The following ZSCAN9 variants were observed in gnomAD, a reference collection of about 807,000 sequenced individuals.
ZSCAN9 encodes zinc finger and SCAN domain-containing protein 9.
Under a neutral mutation model 23.0 loss-of-function variants are expected in ZSCAN9, and 19 were observed. The observed-to-expected ratio is 0.83, with a 90% CI of 0.58 to 1.21. The LOEUF is 1.21. Among genes scored for constraint, ZSCAN9 ranks in the 50% most tolerant of loss-of-function variants. The probability of loss-of-function intolerance (pLI) is 0.00; values close to 1 mark genes in which losing one functional copy is unlikely to be tolerated. For missense variants in ZSCAN9, 467 were observed against 471.5 expected (o/e 0.99, Z 0.09); for synonymous variants, 155 against 164.8 (o/e 0.94, Z 0.46).
rs563920376 is a variant in ZSCAN9, at chr6:28,226,786, C to A, written c.-73-226C>A. Reference sequence around the variant, plus strand: ...CCAGCCTGGGAAACAGAGTGAAATTCCCCATTTAAAAAAAAAAGAAAGAAA... The same window carrying A: ...CCAGCCTGGGAAACAGAGTGAAATTACCCATTTAAAAAAAAAAGAAAGAAA... On this transcript the variant is annotated intron_variant, in intron 1 of 3. Transcript: ENST00000252207. 4.1e-5 allele frequency: 8 copies of A among 193,550 alleles called. No homozygotes were observed. The South Asian group carries it at 9.1e-4, about 22-fold the overall frequency. 12.0% of individuals were successfully genotyped at this position (193,550 alleles called of 1,614,324 possible). A position where few individuals can be genotyped will look rare whatever the true frequency, so the allele number is the denominator to read the frequency against.
At chr6:28,231,069 A>G (rs1448302506) in intron 3 of ZSCAN9, among the ~76,000 whole-genome samples, 1 of 152,224 alleles carries the variant, frequency 6.6e-6, no homozygotes, top group Non-Finnish European at 1.5e-5. Context: ...GCCTGAAACC[A>G]AGGGTAATAC....
intron 2 of ZSCAN9, 42 bp from the exon 3 acceptor site, chr6:28,227,648 G>C (rs1403709201): frequency 2.6e-5 from 41 of 1,581,788 alleles, no homozygotes; most frequent in Admixed American, 1.1e-4. Flanking sequence ...ATTTCAGACA[G>C]TTAATTTCTT....
rs1760144427 is a variant in ZSCAN9, at chr6:28,227,306, G to A, written c.222G>A (p.Gln74=). 2.5e-6 allele frequency: 4 copies of A among 1,614,228 alleles called. No individual in the cohort carries two copies. In the East Asian group the frequency reaches 8.9e-5, roughly 36 times the overall value. ...PGPREALTRL[Q]ELCYQWLRPH... is the part of the protein sequence containing the mutation. ...CAAGGGAGGCTCTTACTCGACTCCAGGAACTTTGCTACCAGTGGTTGAGGC... is the reference window on the plus strand; with the variant it reads ...CAAGGGAGGCTCTTACTCGACTCCAAGAACTTTGCTACCAGTGGTTGAGGC... The change falls in exon 2 of 4, where the codon CAG becomes CAA. Residue 74 remains glutamine (Q), a synonymous_variant. Coordinates refer to ENST00000252207, the MANE Select transcript of ZSCAN9 (RefSeq NM_006299.5).
intron 1 of ZSCAN9, among the ~76,000 whole-genome samples, chr6:28,225,698 T>C (rs1760097410): frequency 6.6e-6 from 1 of 152,240 alleles, no homozygotes; most frequent in Non-Finnish European, 1.5e-5. Flanking sequence ...AGAACCTGTA[T>C]ACCCTCTTAC....
chr6:28,232,477 CTATGA>C, intron 3 of ZSCAN9, 80 bp from the exon 4 acceptor site: 2 of 1,518,984 alleles, frequency 1.3e-6, no homozygotes, highest in African/African-American at 1.4e-5. Context: ...ACTTCCTTTT[CTATGA>C]TATATTTTTA....
chr6:28,230,818 G>A (rs2113654555), intron 3 of ZSCAN9, among the ~76,000 whole-genome samples: 1 of 152,280 alleles, frequency 6.6e-6, no homozygotes, highest in African/African-American at 2.4e-5. Context: ...CAAACAGATT[G>A]TGATATTAAA....
chr6:28,226,387 G>T (rs932319795), intron 1 of ZSCAN9, among the ~76,000 whole-genome samples: 2 of 152,158 alleles, frequency 1.3e-5, no homozygotes, highest in Non-Finnish European at 2.9e-5. Context: ...ATGTTGGTTC[G>T]TTCATTTAGT....
chr6:28,227,612 T>G, intron 2 of ZSCAN9, 78 bp from the exon 3 acceptor site: 1 of 1,576,218 alleles, frequency 6.3e-7, no homozygotes. Context: ...ACTCTCTTCC[T>G]GTTTCCTTCT....
chr6:28,228,324 G>T (rs1303486215), intron 3 of ZSCAN9: 8 of 428,776 alleles, frequency 1.9e-5, no homozygotes, highest in African/African-American at 1.7e-4. Context: ...ATTTTCAAAG[G>T]CTAGTAGTCC....
In ZSCAN9 at chr6:28,232,809, T is replaced by G; in HGVS notation, c.816T>G (p.His272Gln). The G allele has an allele frequency of 1.2e-6, 2 of 1,614,184 alleles. No homozygotes were observed. Among genetic ancestry groups the G allele is most frequent in the Non-Finnish European group, 1.7e-6 (2 of 1,180,042 alleles). Residue 272 changes from histidine to glutamine, a missense_variant, in exon 4 of 4, where the codon CAT becomes CAG. Physicochemically the swap from His to Gln is conservative, Grantham distance 24 (BLOSUM62 0). Transcript: ENST00000252207. ...SFTQSSGLIR[H>Q]QRIHTGERPY... is the part of the protein sequence containing the mutation. ...CTCAGAGCTCAGGTCTCATTCGACA[T>G]CAAAGAATTCATACTGGAGAAAGAC...
Position 28,227,366 on chromosome 6 carries a change from G to A in ZSCAN9, c.282G>A (p.Leu94=). 1 of 1,614,218 alleles carries A rather than the reference G, an allele frequency of 6.2e-7. No homozygotes were observed. Among genetic ancestry groups the A allele is most frequent in the East Asian group, 2.2e-5 (1 of 44,888 alleles). ...GCACAAAGGAGCAGATTTTGGATCT[G>A]CTGGTGCTGGAGCAGTTTCTATCCA... ...HVSTKEQILD[L]LVLEQFLSIL... The change falls in exon 2 of 4, where the codon CTG becomes CTA. Residue 94 remains leucine (L), a synonymous_variant. Transcript: ENST00000252207.
chr6:28,227,118 G>A lies in ZSCAN9; in HGVS notation c.34G>A (p.Gly12Ser). The A allele has an allele frequency of 6.2e-7, 1 of 1,614,142 alleles. No individual in the cohort carries two copies. The change falls in exon 2 of 4, where the codon GGT becomes AGT. Residue 12 changes from glycine (G) to serine (S), a missense_variant. Transcript: ENST00000252207. ...AAACTCAAAGGAGGTTTTATCCCTG[G>A]GTGTTCAAGTTCCCGAGGCATGGGA... ...NTNSKEVLSLGVQVPEAWEEL... is the reference protein window; with the variant it reads ...NTNSKEVLSLSVQVPEAWEEL...
chr6:28,226,491 C>T (rs1224279883), intron 1 of ZSCAN9, among the ~76,000 whole-genome samples: 1 of 152,196 alleles, frequency 6.6e-6, no homozygotes, highest in Non-Finnish European at 1.5e-5. Context: ...GTGATCGGTG[C>T]AGTCCCTAAT....
chr6:28,225,801 T>C (rs1374386737), intron 1 of ZSCAN9, among the ~76,000 whole-genome samples: 1 of 152,250 alleles, frequency 6.6e-6, no homozygotes, highest in Non-Finnish European at 1.5e-5. Flanking sequence ...CCTTAGTTCA[T>C]TGATTCTCAA....
chr6:28,232,711 A>G lies in ZSCAN9; in HGVS notation c.718A>G (p.Arg240Gly). The G allele has an allele frequency of 1.2e-6, 2 of 1,614,202 alleles. No homozygotes were observed. The highest frequency in any genetic ancestry group is 1.7e-6 in the Non-Finnish European group (2 of 1,180,034). ...SHGEVGEHKD[R>G]IERQWGNLLG... is the part of the protein sequence containing the mutation. ...TGGAGAAGTTGGTGAACATAAGGAT[A>G]GGATAGAGAGGCAGTGGGGAAACCT... Residue 240 changes from arginine (R) to glycine (G), a missense_variant, in exon 4 of 4, where the codon AGG becomes GGG. By Grantham distance (125) the Arg-to-Gly change is moderately radical. Coordinates refer to ENST00000252207, the MANE Select transcript of ZSCAN9 (RefSeq NM_006299.5).
intron 3 of ZSCAN9, chr6:28,228,313 C>A: frequency 2.2e-6 from 1 of 457,106 alleles, no homozygotes. Flanking sequence ...TATTTTCTCA[C>A]ATTTTCAAAG....
intron 3 of ZSCAN9, among the ~76,000 whole-genome samples, chr6:28,230,078 C>G (rs1046460509): frequency 2.0e-5 from 3 of 152,130 alleles, no homozygotes; most frequent in Non-Finnish European, 4.4e-5. Flanking sequence ...AGGATGGTCT[C>G]GATCTCCTGA....
intron 3 of ZSCAN9, among the ~76,000 whole-genome samples, chr6:28,230,655 T>C (rs999549072): frequency 6.6e-6 from 1 of 152,132 alleles, no homozygotes; most frequent in African/African-American, 2.4e-5. Flanking sequence ...AAACAGAAGG[T>C]TCCTCCTCTC....
At chr6:28,230,069 G>C (rs1760251351) in intron 3 of ZSCAN9, among the ~76,000 whole-genome samples, 1 of 152,148 alleles carries the variant, frequency 6.6e-6, no homozygotes, top group African/African-American at 2.4e-5. Context: ...GTGTTAGCCA[G>C]GATGGTCTCG....
Sources: allele counts gnomAD v4.1 joint callset (sites outside exome capture counted in the v4.1 genomes callset), GRCh38; gene constraint gnomAD v4.1.1; transcripts MANE v1.5; gene names NCBI Gene and HGNC (gene_info 2026-07-23, HGNC 2026-07-21).